The following CNTNAP2 variants were observed in gnomAD, a reference collection of about 807,000 sequenced individuals.
CNTNAP2 encodes the protein contactin-associated protein-like 2.
Under a neutral mutation model 155.2 loss-of-function variants are expected in CNTNAP2, and 98 were observed. The observed-to-expected ratio is 0.63, with a 90% CI of 0.54 to 0.75. The LOEUF (loss-of-function observed/expected upper bound fraction) is 0.75. Among genes scored for constraint, CNTNAP2 ranks in the 30% least tolerant of loss-of-function variants. The probability of loss-of-function intolerance (pLI) is 0.00; values close to 1 mark genes in which losing one functional copy is unlikely to be tolerated. For synonymous variants in CNTNAP2, 651 were observed against 631.2 expected (o/e 1.03, Z -0.47); for missense variants, 1,727 against 1,688.1 (o/e 1.02, Z -0.40).
chr7:147,340,674 A>T (rs1241580643), intron 9 of CNTNAP2, among the ~76,000 whole-genome samples: 1 of 152,180 alleles, frequency 6.6e-6, no homozygotes, highest in African/African-American at 2.4e-5. Flanking sequence ...AAAAACAGTG[A>T]CATATTCTGT....
chr7:147,902,729 C>A (rs777742362), intron 13 of CNTNAP2, among the ~76,000 whole-genome samples: 11 of 150,424 alleles, frequency 7.3e-5, no homozygotes, highest in Non-Finnish European at 1.3e-4. Context: ...GCTGCAAATG[C>A]CATTAATTCA....
At chr7:147,713,410 G>A (rs1211317974) in intron 13 of CNTNAP2, among the ~76,000 whole-genome samples, 6 of 152,020 alleles carry the variant, frequency 3.9e-5, no homozygotes, top group Non-Finnish European at 7.4e-5. Flanking sequence ...CAGTATATAG[G>A]CCTGTGTGTC....
chr7:147,228,458 C>A (rs901319833), intron 8 of CNTNAP2, among the ~76,000 whole-genome samples: 21 of 152,210 alleles, frequency 1.4e-4, no homozygotes, highest in African/African-American at 5.1e-4. Flanking sequence ...AAGGATCCAG[C>A]TTTAGGAGCA....
Position 148,118,186 on chromosome 7 carries a change from G to A in CNTNAP2, c.2452G>A (p.Glu818Lys). 6.2e-7 allele frequency: 1 copy of A among 1,614,158 alleles called. No individual in the cohort carries two copies. The highest frequency in any genetic ancestry group is 1.7e-5 in the Admixed American group (1 of 60,014). The change falls in exon 16 of 24, where the codon GAA (glutamate) becomes AAA (lysine). Residue 818 changes from glutamate to lysine, a missense_variant. Coordinates refer to ENST00000361727, the MANE Select transcript of CNTNAP2 (RefSeq NM_014141.6). ...SYLHFSTFQG[E>K]TSADISFYFK... ...CCTGCACTTCTCTACTTTCCAAGGG[G>A]AAACTAGCGCTGACATTTCTTTCTA... is the stretch of plus-strand genomic sequence containing the variant.
intron 3 of CNTNAP2, among the ~76,000 whole-genome samples, chr7:147,030,825 A>C (rs1037850101): frequency 2.6e-5 from 4 of 152,176 alleles, no homozygotes; most frequent in Non-Finnish European, 5.9e-5. Flanking sequence ...TTGAGGCTGC[A>C]GTGAGCTGTG....
chr7:147,012,739 A>G (rs1029286446), intron 3 of CNTNAP2, among the ~76,000 whole-genome samples: 1 of 152,182 alleles, frequency 6.6e-6, no homozygotes. Context: ...TTTTGAAAAC[A>G]TAATTTGTAA....
At chr7:146,459,698 C>T (rs564535941) in intron 1 of CNTNAP2, among the ~76,000 whole-genome samples, 145 of 152,196 alleles carry the variant, frequency 9.5e-4, no homozygotes, top group African/African-American at 3.1e-3. Context: ...TGGACAAGCG[C>T]GGTGCCTCAC....
At chr7:146,361,671 C>A (rs916955919) in intron 1 of CNTNAP2, among the ~76,000 whole-genome samples, 4 of 152,048 alleles carry the variant, frequency 2.6e-5, no homozygotes, top group Non-Finnish European at 5.9e-5. Context: ...CCCAGTGGTT[C>A]TTTATAGGTC....
chr7:146,780,192 T>TG (rs1491230962), intron 2 of CNTNAP2, among the ~76,000 whole-genome samples: 2 of 118,432 alleles, frequency 1.7e-5, no homozygotes, highest in Non-Finnish European at 4.1e-5. Context: ...GTTTCCTGAC[T>TG]GTTTTTTTTT....
rs572463428 is a variant in CNTNAP2 at position 148,336,248 on chromosome 7, C to T, written c.3476-47401C>T. On this transcript the variant is annotated intron_variant, in intron 21 of 23. Transcript: ENST00000361727. ...ATAAATATAATTTTATGCAAGATAG[C>T]ACCTTAATTCTAGTCCTTATTTAAT... Among the ~76,000 whole-genome samples, 18 of 152,188 alleles carry T rather than the reference C, an allele frequency of 1.2e-4. No individual in the cohort carries two copies. The South Asian group carries it at 3.5e-3, about 30-fold the overall frequency.
intron 15 of CNTNAP2, among the ~76,000 whole-genome samples, chr7:147,989,168 G>A (rs1449523508): frequency 6.6e-6 from 1 of 152,228 alleles, no homozygotes; most frequent in Non-Finnish European, 1.5e-5. Context: ...GAAGTCTGGA[G>A]CAGGACCTGA....
chr7:147,716,238 T>C (rs1427371807), intron 13 of CNTNAP2, among the ~76,000 whole-genome samples: 1 of 152,156 alleles, frequency 6.6e-6, no homozygotes, highest in African/African-American at 2.4e-5. Flanking sequence ...TGTTGTCTTA[T>C]GTCACAGATA....
intron 1 of CNTNAP2, among the ~76,000 whole-genome samples, chr7:146,170,103 T>C (rs1468692758): frequency 6.7e-6 from 1 of 150,284 alleles, no homozygotes; most frequent in Non-Finnish European, 1.5e-5. Context: ...CTCGGCTCAC[T>C]GCAACCTCTG....
At chr7:147,477,204 A>G (rs956880439) in intron 10 of CNTNAP2, among the ~76,000 whole-genome samples, 2 of 152,144 alleles carry the variant, frequency 1.3e-5, no homozygotes, top group Non-Finnish European at 2.9e-5. Context: ...CCATTTTGAG[A>G]AAACAAATTA....
intron 1 of CNTNAP2, among the ~76,000 whole-genome samples, chr7:146,161,060 A>G (rs1798214099): frequency 6.6e-6 from 1 of 152,230 alleles, no homozygotes; most frequent in African/African-American, 2.4e-5. Flanking sequence ...ACACAAATCA[A>G]TAAACATAAT....
chr7:148,206,741 A>G (rs941129665), intron 18 of CNTNAP2, among the ~76,000 whole-genome samples: 1 of 152,222 alleles, frequency 6.6e-6, no homozygotes, highest in Admixed American at 6.5e-5. Flanking sequence ...CCAAAAACAT[A>G]GCCTAGGTTG....
intron 13 of CNTNAP2, among the ~76,000 whole-genome samples, chr7:147,831,284 G>A (rs758391882): frequency 6.6e-6 from 1 of 152,080 alleles, no homozygotes; most frequent in South Asian, 2.1e-4. Flanking sequence ...CCCCAAGTAC[G>A]CCTGTATTCT....
intron 11 of CNTNAP2, among the ~76,000 whole-genome samples, chr7:147,557,261 C>G (rs1799969723): frequency 6.6e-6 from 1 of 150,966 alleles, no homozygotes; most frequent in Non-Finnish European, 1.5e-5. Context: ...CAGACTCCAT[C>G]TCAAAAGAAA....
chr7:146,136,233 A>G (rs1156318086), intron 1 of CNTNAP2, among the ~76,000 whole-genome samples: 2 of 152,160 alleles, frequency 1.3e-5, no homozygotes, highest in African/African-American at 2.4e-5. Flanking sequence ...TTTACATTGC[A>G]TACTGCCAGA....
Sources: gnomAD v4.1 joint callset for allele counts (sites outside exome capture counted in the v4.1 genomes callset) on GRCh38, gnomAD v4.1.1 for gene constraint, MANE v1.5 for transcripts, NCBI Gene and HGNC (gene_info 2026-07-23, HGNC 2026-07-21) for gene names.